CCDC192: variants seen among roughly 807,000 people sequenced by gnomAD.
The protein encoded by CCDC192 is coiled-coil domain containing 192.
At chr5:127,891,112 C>T (rs771491434) in intron 6 of CCDC192, among the ~76,000 whole-genome samples, 81 of 152,156 alleles carry the variant, frequency 5.3e-4, no homozygotes, top group East Asian at 1.2e-3. Context: ...AGTGCAGTGG[C>T]GCAATCTCGG....
chr5:127,730,172 T>C (rs1026472376), intron 2 of CCDC192, among the ~76,000 whole-genome samples: 2 of 151,686 alleles, frequency 1.3e-5, no homozygotes, highest in African/African-American at 4.8e-5. Context: ...AGACACAATA[T>C]AAAATGATAA....
chr5:127,875,009 A>G (rs550588043), intron 5 of CCDC192, among the ~76,000 whole-genome samples: 9 of 151,398 alleles, frequency 5.9e-5, no homozygotes, highest in African/African-American at 2.2e-4. Flanking sequence ...ACGCTTTCTT[A>G]CCCTTGACAC....
At chr5:127,815,242 A>G (rs922683332) in intron 5 of CCDC192, among the ~76,000 whole-genome samples, 3 of 152,170 alleles carry the variant, frequency 2.0e-5, no homozygotes, top group Non-Finnish European at 4.4e-5. Flanking sequence ...GAGTCGATGG[A>G]TATTTGTGTG....
At chr5:127,798,816 C>T (rs1283299858) in intron 5 of CCDC192, among the ~76,000 whole-genome samples, 1 of 151,632 alleles carries the variant, frequency 6.6e-6, no homozygotes, top group Non-Finnish European at 1.5e-5. Flanking sequence ...TACATAGTTG[C>T]CCATTTTCTC....
chr5:127,877,198 A>G (rs1330275945), intron 6 of CCDC192, among the ~76,000 whole-genome samples: 1 of 152,160 alleles, frequency 6.6e-6, no homozygotes, highest in Non-Finnish European at 1.5e-5. Context: ...ATTTTTTTCA[A>G]TATTATTTAC....
intron 6 of CCDC192, among the ~76,000 whole-genome samples, chr5:127,894,794 C>T (rs1339407130): frequency 6.6e-6 from 1 of 152,200 alleles, no homozygotes; most frequent in Non-Finnish European, 1.5e-5. Flanking sequence ...AATGAGGCCA[C>T]AAATTCGCCC....
chr5:127,937,827 C>T (rs1754228119), intron 6 of CCDC192, among the ~76,000 whole-genome samples: 1 of 152,200 alleles, frequency 6.6e-6, no homozygotes, highest in Non-Finnish European at 1.5e-5. Context: ...TGTCTAAAAA[C>T]GTTTTGACCA....
At chr5:127,761,635 G>C (rs1316740436) in intron 3 of CCDC192, among the ~76,000 whole-genome samples, 1 of 152,156 alleles carries the variant, frequency 6.6e-6, no homozygotes, top group African/African-American at 2.4e-5. Flanking sequence ...CTCTAGGTTA[G>C]ATCAAGGTTC....
At chr5:127,758,555 A>C (rs1226714686) in intron 3 of CCDC192, among the ~76,000 whole-genome samples, 1 of 152,212 alleles carries the variant, frequency 6.6e-6, no homozygotes, top group African/African-American at 2.4e-5. Context: ...TTTGGCTCCA[A>C]CTTCTAACCT....
At chr5:127,722,305 A>G (rs1298591377) in intron 2 of CCDC192, among the ~76,000 whole-genome samples, 1 of 149,516 alleles carries the variant, frequency 6.7e-6, no homozygotes, top group Non-Finnish European at 1.5e-5. Context: ...ATTTTTAATT[A>G]GAGTACTTTT....
intron 3 of CCDC192, among the ~76,000 whole-genome samples, chr5:127,756,344 C>T (rs886498935): frequency 6.6e-6 from 1 of 152,138 alleles, no homozygotes; most frequent in Non-Finnish European, 1.5e-5. Context: ...TTACTCAAAT[C>T]AGTCTCCCTA....
At chr5:127,745,476 G>C (rs1269381517) in intron 2 of CCDC192, among the ~76,000 whole-genome samples, 3 of 152,004 alleles carry the variant, frequency 2.0e-5, no homozygotes, top group Non-Finnish European at 4.4e-5. Flanking sequence ...ATAATAGTCA[G>C]GTGTCTTTAC....
chr5:127,908,088 G>C (rs560669350), intron 6 of CCDC192, among the ~76,000 whole-genome samples: 1 of 152,112 alleles, frequency 6.6e-6, no homozygotes, highest in Non-Finnish European at 1.5e-5. Flanking sequence ...TGCCATTATC[G>C]TGCTCACCTG....
intron 5 of CCDC192, among the ~76,000 whole-genome samples, chr5:127,874,414 T>C (rs1472024979): frequency 2.0e-5 from 3 of 152,182 alleles, no homozygotes; most frequent in Non-Finnish European, 4.4e-5. Context: ...ATCCAGATGA[T>C]GTATGTAGTT....
At chr5:127,801,474 C>T (rs993123335) in intron 5 of CCDC192, among the ~76,000 whole-genome samples, 3 of 152,006 alleles carry the variant, frequency 2.0e-5, no homozygotes, top group African/African-American at 7.2e-5. Context: ...TCTCTTCTCC[C>T]TCACTCCCCT....
At chr5:127,793,873 A>C (rs1344159913) in intron 3 of CCDC192, among the ~76,000 whole-genome samples, 1 of 152,240 alleles carries the variant, frequency 6.6e-6, no homozygotes, top group Admixed American at 6.5e-5. Context: ...CAGGTAATAG[A>C]AAACTCCTTA....
intron 3 of CCDC192, among the ~76,000 whole-genome samples, chr5:127,756,778 T>A (rs2126879823): frequency 6.6e-6 from 1 of 152,368 alleles, no homozygotes; most frequent in Admixed American, 6.5e-5. Context: ...AGTCAAACCA[T>A]GAACTGAATT....
chr5:127,724,588 T>C (rs1752205316), intron 2 of CCDC192, among the ~76,000 whole-genome samples: 1 of 152,148 alleles, frequency 6.6e-6, no homozygotes, highest in Non-Finnish European at 1.5e-5. Context: ...CAGTGGCTCA[T>C]GCCTGTAATC....
rs73343088 is a variant in CCDC192, at chr5:127,711,438, A to T, written c.114+3678A>T. Among the ~76,000 whole-genome samples the T allele has an allele frequency of 6.8e-3, 1,041 of 152,338 alleles. 8 individuals carry two copies. The highest frequency in any genetic ancestry group is 0.024 in the African/African-American group (979 of 41,574). Reference sequence around the variant, plus strand: ...GAAGTCAGCTTTATAAAGTGACCTTAAAGTAGCTAAAACATATTATATTTG... The same window carrying T: ...GAAGTCAGCTTTATAAAGTGACCTTTAAGTAGCTAAAACATATTATATTTG... On this transcript the variant is annotated intron_variant, in intron 2 of 6. Coordinates refer to ENST00000514853, the MANE Select transcript of CCDC192 (RefSeq NM_001317938.2).
Sources: gnomAD v4.1 joint callset for allele counts (sites outside exome capture counted in the v4.1 genomes callset) on GRCh38, gnomAD v4.1.1 for gene constraint, MANE v1.5 for transcripts, NCBI Gene and HGNC (gene_info 2026-07-23, HGNC 2026-07-21) for gene names.